RNASEH1: variants seen among roughly 807,000 people sequenced by gnomAD.
RNASEH1 encodes the protein ribonuclease H1.
In RNASEH1, 27 loss-of-function variants were observed where a neutral mutation model predicts 34.6. The observed-to-expected ratio is 0.78, with a 90% CI of 0.58 to 1.08. RNASEH1 has a LOEUF of 1.08. Among genes scored for constraint, RNASEH1 ranks in the 50% least tolerant of loss-of-function variants. The pLI, the probability that RNASEH1 is intolerant of heterozygous loss-of-function variation, is 0.00. For missense variants in RNASEH1, 349 were observed against 373.6 expected (o/e 0.93, Z 0.54); for synonymous variants, 162 against 138.4 (o/e 1.17, Z -1.20).
the RNASEH1 span, chr2:3,532,406 T>G: frequency 1.4e-6 from 1 of 700,140 alleles, no homozygotes; most frequent in Non-Finnish European, 2.6e-6. Flanking sequence ...AGTCACTCAC[T>G]GAAACATGCT....
intron 2 of RNASEH1, among the ~76,000 whole-genome samples, chr2:3,555,158 G>A (rs1420545480): frequency 2.0e-5 from 3 of 152,202 alleles, no homozygotes; most frequent in Non-Finnish European, 4.4e-5. Flanking sequence ...CCATCCAGAT[G>A]TCTGTGCTCA....
rs932941242 is a variant in RNASEH1 at position 3,542,255 on chromosome 2, T to C, written c.*3530A>G. Among the ~76,000 whole-genome samples, 2 of 152,158 alleles carry C rather than the reference T, an allele frequency of 1.3e-5. No homozygotes were observed. The highest frequency in any genetic ancestry group is 2.9e-5 in the Non-Finnish European group (2 of 68,028). On this transcript the variant is annotated 3_prime_UTR_variant, in exon 8 of 8. Coordinates refer to ENST00000315212, the MANE Select transcript of RNASEH1 (RefSeq NM_002936.6). ...AGAGCACACCATACGCTTGCAAATATGGACCAGGACAACCAATACCAACAC... is the reference window on the plus strand; with the variant it reads ...AGAGCACACCATACGCTTGCAAATACGGACCAGGACAACCAATACCAACAC...
chr2:3,549,773 C>T (rs986573355), intron 4 of RNASEH1, among the ~76,000 whole-genome samples: 13 of 151,928 alleles, frequency 8.6e-5, no homozygotes, highest in South Asian at 2.1e-4. Context: ...GGTGAAACCC[C>T]GTCTCTACTA....
rs146794938 is a variant in RNASEH1, at chr2:3,552,265, G to C, written c.288C>G (p.Ser96Arg). ...CATCCAGTGGCTCACGGAGTCGCTT[G>C]CTGGCTTTCGCCTCCGATTCTTGTC... ...QHGQESEAKA[S>R]KRLREPLDGD... Residue 96 changes from serine to arginine, a missense_variant, in exon 3 of 8, where the codon AGC (serine) becomes AGG (arginine). By Grantham distance (110) the Ser-to-Arg change is moderately radical. This residue lies in a region of RNASEH1 where 256 missense variants were observed against 240.7 expected (regional missense o/e 1.06). Transcript: ENST00000315212. The C allele has an allele frequency of 2.5e-6, 4 of 1,613,944 alleles. No homozygotes were observed. The highest frequency in any genetic ancestry group is 1.3e-5 in the African/African-American group (1 of 75,026).
In RNASEH1 at chr2:3,547,936, G is replaced by C. The variant is rs758265862; in HGVS notation, c.769C>G (p.Gln257Glu). ...LERLTQGMDI[Q>E]WMHVPGHSGF... ...TGAACATTTAAGATACTCACCCACT[G>C]AATGTCCATCCCCTGGGTAAGCCTC... The change falls in exon 7 of 8, where the codon CAG becomes GAG. Residue 257 changes from glutamine to glutamate, a missense_variant. Gln to Glu is a conservative substitution (Grantham distance 29). Transcript: ENST00000315212. 10 of 1,613,638 alleles carry C rather than the reference G, an allele frequency of 6.2e-6. No homozygotes were observed. Among genetic ancestry groups the C allele is most frequent in the African/African-American group, 2.7e-5 (2 of 74,872 alleles).
At chr2:3,548,843 A>C (rs1669009934) in intron 5 of RNASEH1, 119 bp from the exon 6 acceptor site, 4 of 775,022 alleles carry the variant, frequency 5.2e-6, no homozygotes, top group Non-Finnish European at 8.7e-6. Flanking sequence ...CTCTGTATGA[A>C]ACACTACTAT....
At chr2:3,535,655 A>T in the RNASEH1 span, among the ~76,000 whole-genome samples, 1 of 151,614 alleles carries the variant, frequency 6.6e-6, no homozygotes, top group South Asian at 2.1e-4. Flanking sequence ...GGACAGGGGG[A>T]CACCTGTGGG....
chr2:3,539,069 T>G (rs138706824), downstream of RNASEH1, among the ~76,000 whole-genome samples: 1 of 152,212 alleles, frequency 6.6e-6, no homozygotes. Flanking sequence ...CTAGTTCTTA[T>G]ATATTAGGGA....
intron 2 of RNASEH1, among the ~76,000 whole-genome samples, chr2:3,555,534 G>T (rs369195702): frequency 6.6e-6 from 1 of 152,134 alleles, no homozygotes; most frequent in South Asian, 2.1e-4. Flanking sequence ...AACCTGCCTC[G>T]CTCTGAATTG....
chr2:3,537,647 G>C (rs1298308978), downstream of RNASEH1, among the ~76,000 whole-genome samples: 2 of 152,090 alleles, frequency 1.3e-5, no homozygotes, highest in African/African-American at 4.8e-5. Flanking sequence ...CTTGAGCTCA[G>C]GAGGTGGAGG....
chr2:3,555,363 G>A (rs1308298241), intron 2 of RNASEH1, among the ~76,000 whole-genome samples: 2 of 152,182 alleles, frequency 1.3e-5, no homozygotes, highest in Non-Finnish European at 2.9e-5. Context: ...CATGCAGTAA[G>A]CAGTAAGAAC....
rs139712448 is a variant in RNASEH1, at chr2:3,555,656, C to T, written c.244+1133G>A. Among the ~76,000 whole-genome samples the T allele has an allele frequency of 7.9e-4, 121 of 152,294 alleles. No individual in the cohort carries two copies. In the East Asian group the frequency reaches 0.014, roughly 17 times the overall value. ...ATAAGGTAATTAAAACTATGCTCTG[C>T]TCAGTCTTAATTTGCTATAGTAAAA... On this transcript the variant is annotated intron_variant, in intron 2 of 7. Transcript: ENST00000315212.
chr2:3,556,750 A>G (rs1234826692), intron 2 of RNASEH1, 39 bp downstream of exon 2: 2 of 1,399,104 alleles, frequency 1.4e-6, no homozygotes, highest in African/African-American at 2.8e-5. Context: ...AAAGCCTTTG[A>G]ATAGGTTAAA....
Position 3,558,277 on chromosome 2 carries a change from C to A in RNASEH1, c.-17G>T, listed in dbSNP as rs758454680. ...CCAGCTCATCGCTCACTCCCGGCAC[C>A]GGGAAGCATTTCGACTCCCGGCCCA... On this transcript the variant is annotated 5_prime_UTR_variant, in exon 1 of 8. Transcript: ENST00000315212. 3.6e-5 allele frequency: 55 copies of A among 1,546,766 alleles called. No individual in the cohort carries two copies. The highest frequency in any genetic ancestry group is 4.5e-5 in the Non-Finnish European group (52 of 1,150,980).
At chr2:3,549,150 A>C in intron 4 of RNASEH1, 38 bp from the exon 5 acceptor site, 2 of 1,477,426 alleles carry the variant, frequency 1.4e-6, no homozygotes, top group Non-Finnish European at 1.9e-6. Context: ...AAAAGTATAA[A>C]GTGAATTCTC....
Position 3,543,642 on chromosome 2 carries a change from C to A in RNASEH1, c.*2143G>T, listed in dbSNP as rs1449595372. 1.3e-5 allele frequency among the ~76,000 whole-genome samples: 2 copies of A among 151,794 alleles called. No homozygotes were observed. Among genetic ancestry groups the A allele is most frequent in the Non-Finnish European group, 2.9e-5 (2 of 67,960 alleles). The stretch of plus-strand genomic sequence containing the variant: ...TTCTTTTTTTTTTTTAAGACAAGGA[C>A]TTGCTGTCGCCCAGGCTGGAATGTG... On this transcript the variant is annotated 3_prime_UTR_variant, in exon 8 of 8. Transcript: ENST00000315212.
rs763973713 is a variant in RNASEH1, at chr2:3,556,902, T to C, written c.131A>G (p.Asn44Ser). The C allele has an allele frequency of 6.2e-7, 1 of 1,608,770 alleles. No individual in the cohort carries two copies. The highest frequency in any genetic ancestry group is 1.3e-5 in the African/African-American group (1 of 74,968). The change falls in exon 2 of 8, where the codon AAT becomes AGT. Residue 44 changes from asparagine (N) to serine (S), a missense_variant and splice_region_variant. Physicochemically the swap from Asn to Ser is conservative, Grantham distance 46. Around this residue, in one of 2 missense-constraint regions of RNASEH1, gnomAD observed 256 missense variants for 240.7 expected, o/e 1.06. Coordinates refer to ENST00000315212, the MANE Select transcript of RNASEH1 (RefSeq NM_002936.6). Reference sequence around the variant, plus strand: ...CCGGTCCACCTGTGCTCTGCACTCATTCCTGGAAAAGATGTGCAATGTTAT... The same window carrying C: ...CCGGTCCACCTGTGCTCTGCACTCACTCCTGGAAAAGATGTGCAATGTTAT... ...GRKTGVFLTW[N>S]ECRAQVDRFP...
At chr2:3,552,594 C>A (rs1466189238) in intron 2 of RNASEH1, among the ~76,000 whole-genome samples, 2 of 115,508 alleles carry the variant, frequency 1.7e-5, no homozygotes, top group Non-Finnish European at 3.7e-5. Flanking sequence ...CCACCACCAC[C>A]CCCTCCCCTC....
At chr2:3,553,351 G>T (rs1660174023) in intron 2 of RNASEH1, among the ~76,000 whole-genome samples, 1 of 151,674 alleles carries the variant, frequency 6.6e-6, no homozygotes, top group South Asian at 2.1e-4. Context: ...TTTTTCTTCT[G>T]CAACGAAGTT....
Sources: gnomAD v4.1 joint callset for allele counts (sites outside exome capture counted in the v4.1 genomes callset) on GRCh38, gnomAD v4.1.1 for gene constraint, gnomAD v4.1.1 regional missense constraint, MANE v1.5 for transcripts, NCBI Gene and HGNC (gene_info 2026-07-23, HGNC 2026-07-21) for gene names.